Variants in MALSU1 observed in about 807,000 individuals in gnomAD.
MALSU1 encodes mitochondrial assembly of ribosomal large subunit protein 1.
MALSU1 carries 22 observed loss-of-function variants against 22.1 expected under a neutral mutation model. That is an observed-to-expected ratio of 1.00 (90% confidence interval 0.71 to 1.42). The LOEUF is 1.42. Ranked by LOEUF, MALSU1 falls within the 40% of genes most tolerant of loss-of-function variation. The pLI, the probability that MALSU1 is intolerant of heterozygous loss-of-function variation, is 0.00. For missense variants in MALSU1, 379 were observed against 308.3 expected, an observed-to-expected ratio of 1.23 and a Z score of -1.72; for synonymous variants, 153 against 118.5, an observed-to-expected ratio of 1.29 and a Z score of -1.89.
At chr7:23,300,695 C>T in intron 1 of MALSU1, 144 bp from the exon 2 acceptor site, 2 of 659,622 alleles carry the variant, frequency 3.0e-6, no homozygotes, top group Non-Finnish European at 5.3e-6. Context: ...GTTCACCTTC[C>T]AGGAGGCCTT....
At position 23,301,006 on chromosome 7, in the gene MALSU1, G is replaced by A. The variant is rs747613839; in HGVS notation, c.424G>A (p.Val142Ile). 2.5e-6 allele frequency: 4 copies of A among 1,612,488 alleles called. No homozygotes were observed. Among genetic ancestry groups the A allele is most frequent in the African/African-American group, 1.3e-5 (1 of 74,802 alleles). The change falls in exon 2 of 4, where the codon GTT becomes ATT. Residue 142 changes from valine (V) to isoleucine (I), a missense_variant. Coordinates refer to ENST00000466681, the MANE Select transcript of MALSU1 (RefSeq NM_138446.2). Reference protein sequence around the residue: ...TRHLHAMAFYVVKMYKHLKCK... With the variant: ...TRHLHAMAFYIVKMYKHLKCK... ...ACACTTACATGCCATGGCCTTCTAC[G>A]TTGTGAAAATGGTAGGATGCTTTCT...
In MALSU1 at chr7:23,307,818, A is replaced by T. The variant is rs753035454; in HGVS notation, c.436-50A>T. 6 of 1,179,584 alleles carry T rather than the reference A, an allele frequency of 5.1e-6. No homozygotes were observed. In the African/African-American group the frequency reaches 7.9e-5, roughly 15 times the overall value. The allele number at this position is 1,179,584 out of a possible 1,614,324, so 73.1% of individuals were successfully genotyped here. The stretch of plus-strand genomic sequence containing the variant: ...AAAAAAAAAGACCTTCAGCAAGAAC[A>T]GGCTTCCCCCATCCCCTCTCCCTTT... On this transcript the variant is annotated intron_variant, in intron 2 of 3. Transcript: ENST00000466681.
intron 2 of MALSU1, among the ~76,000 whole-genome samples, chr7:23,305,517 A>G (rs998650067): frequency 2.0e-5 from 3 of 151,908 alleles, no homozygotes; most frequent in South Asian, 2.1e-4. Flanking sequence ...CTGAGGTTAC[A>G]GGTGCCCGCC....
chr7:23,306,695 T>C (rs1783726962), intron 2 of MALSU1, among the ~76,000 whole-genome samples: 1 of 152,248 alleles, frequency 6.6e-6, no homozygotes, highest in Non-Finnish European at 1.5e-5. Flanking sequence ...GATTATCATA[T>C]AGATTTTTTC....
Position 23,299,453 on chromosome 7 carries a change from T to C in MALSU1, c.101T>C (p.Leu34Pro). The C allele has an allele frequency of 6.2e-7, 1 of 1,607,686 alleles. No homozygotes were observed. Among genetic ancestry groups the C allele is most frequent in the Non-Finnish European group, 8.5e-7 (1 of 1,179,282 alleles). The change falls in exon 1 of 4, where the codon CTT becomes CCT. Residue 34 changes from leucine (L) to proline (P), a missense_variant. Coordinates refer to ENST00000466681, the MANE Select transcript of MALSU1 (RefSeq NM_138446.2). ...TCCGCGGTTGGAGCCGAGCCCGGGC[T>C]TCGGCTGCTGGCCGTGCAGCGGCTT... ...AGSAVGAEPGLRLLAVQRLPV... is the reference protein window; with the variant it reads ...AGSAVGAEPGPRLLAVQRLPV...
Position 23,308,478 on chromosome 7 carries a change from T to C in MALSU1, c.517+529T>C, listed in dbSNP as rs575375102. Among the ~76,000 whole-genome samples the C allele has an allele frequency of 2.0e-5, 3 of 152,314 alleles. No homozygotes were observed. In the South Asian group the frequency reaches 6.2e-4, roughly 32 times the overall value. Reference sequence around the variant, plus strand: ...GGAAACATAACTGTATGTCAAGAACTGAGGAGTCTGAGATTTTATTCTGCT... The same window carrying C: ...GGAAACATAACTGTATGTCAAGAACCGAGGAGTCTGAGATTTTATTCTGCT... On this transcript the variant is annotated intron_variant, in intron 3 of 3. Transcript: ENST00000466681.
chr7:23,304,106 C>CAA, intron 2 of MALSU1, among the ~76,000 whole-genome samples: 2 of 133,908 alleles, frequency 1.5e-5, no homozygotes, highest in East Asian at 4.2e-4. Context: ...AACTCAGTCT[C>CAA]AAAAAAAAAA....
chr7:23,307,202 T>A (rs1426050825), intron 2 of MALSU1, among the ~76,000 whole-genome samples: 1 of 152,216 alleles, frequency 6.6e-6, no homozygotes, highest in East Asian at 1.9e-4. Flanking sequence ...TAGTGTCACT[T>A]CTTTCATTTC....
chr7:23,304,666 G>C (rs1233658817), intron 2 of MALSU1, among the ~76,000 whole-genome samples: 1 of 152,128 alleles, frequency 6.6e-6, no homozygotes, highest in Non-Finnish European at 1.5e-5. Context: ...CAAATTCATA[G>C]AGACAGAAAG....
chr7:23,303,725 C>A (rs1305945232), intron 2 of MALSU1, among the ~76,000 whole-genome samples: 3 of 150,012 alleles, frequency 2.0e-5, no homozygotes, highest in Non-Finnish European at 4.4e-5. Flanking sequence ...TGGAGGATTG[C>A]TTGAGCCCAG....
In MALSU1 at chr7:23,300,931, G is replaced by C. The variant is rs1463581260; in HGVS notation, c.349G>C (p.Glu117Gln). 5.0e-6 allele frequency: 8 copies of C among 1,614,034 alleles called. No individual in the cohort carries two copies. The highest frequency in any genetic ancestry group is 1.3e-5 in the African/African-American group (1 of 75,024). The change falls in exon 2 of 4, where the codon GAA (glutamate) becomes CAA (glutamine). Residue 117 changes from glutamate to glutamine, a missense_variant. Coordinates refer to ENST00000466681, the MANE Select transcript of MALSU1 (RefSeq NM_138446.2). Reference protein sequence around the residue: ...RDICVIQVPPEMRYTDYFVIV... With the variant: ...RDICVIQVPPQMRYTDYFVIV... ...CATTTGTGTGATCCAGGTTCCTCCA[G>C]AAATGAGATATACAGATTACTTTGT...
At chr7:23,300,731 T>C (rs761522977) in intron 1 of MALSU1, 108 bp from the exon 2 acceptor site, 1 of 935,756 alleles carries the variant, frequency 1.1e-6, no homozygotes, top group African/African-American at 1.6e-5. Context: ...AAAAACACTT[T>C]GGATCTAAAC....
At chr7:23,307,634 G>C (rs1462229057) in intron 2 of MALSU1, 1 of 423,618 alleles carries the variant, frequency 2.4e-6, no homozygotes, top group Non-Finnish European at 4.2e-6. Flanking sequence ...AATGAATGGG[G>C]TGACCCTCTC....
At chr7:23,304,781 TTTG>T (rs1562656928) in intron 2 of MALSU1, among the ~76,000 whole-genome samples, 3 of 152,170 alleles carry the variant, frequency 2.0e-5, no homozygotes, top group Non-Finnish European at 2.9e-5. Context: ...AATCAGGTTG[TTTG>T]TTGTTTTGTT....
At chr7:23,303,079 CTG>C (rs1484374595) in intron 2 of MALSU1, among the ~76,000 whole-genome samples, 1 of 152,192 alleles carries the variant, frequency 6.6e-6, no homozygotes, top group Non-Finnish European at 1.5e-5. Context: ...CAATTTTAAA[CTG>C]TGTTGTTCAG....
chr7:23,302,556 A>G (rs1352820609), intron 2 of MALSU1, among the ~76,000 whole-genome samples: 1 of 152,224 alleles, frequency 6.6e-6, no homozygotes, highest in African/African-American at 2.4e-5. Flanking sequence ...ATACAAAGAC[A>G]GCATACCAGG....
At position 23,310,722 on chromosome 7, in the gene MALSU1, C is replaced by T. The variant is rs1003253718; in HGVS notation, c.*1179C>T. ...ACACTTTAAATCATTTTCAAAATGT[C>T]TAATTGATCTTCAGAAAAACATCTA... is the stretch of plus-strand genomic sequence containing the variant. On this transcript the variant is annotated 3_prime_UTR_variant, in exon 4 of 4. Coordinates refer to ENST00000466681, the MANE Select transcript of MALSU1 (RefSeq NM_138446.2). 2 of 152,078 alleles carry T rather than the reference C, an allele frequency of 1.3e-5. No individual in the cohort carries two copies. The highest frequency in any genetic ancestry group is 4.8e-5 in the African/African-American group (2 of 41,412). The allele number at this position is 152,078 out of a possible 1,614,324, so 9.4% of individuals were successfully genotyped here.
intron 3 of MALSU1, among the ~76,000 whole-genome samples, chr7:23,308,473 A>G (rs913210659): frequency 6.6e-6 from 1 of 152,236 alleles, no homozygotes; most frequent in African/African-American, 2.4e-5. Flanking sequence ...CTGTATGTCA[A>G]GAACTGAGGA....
chr7:23,301,567 A>G (rs1464638437), intron 2 of MALSU1, among the ~76,000 whole-genome samples: 3 of 152,214 alleles, frequency 2.0e-5, no homozygotes, highest in African/African-American at 7.2e-5. Context: ...CCGGAAAATA[A>G]TATTTTATAA....
Sources: allele counts gnomAD v4.1 joint callset (sites outside exome capture counted in the v4.1 genomes callset), GRCh38; gene constraint gnomAD v4.1.1; transcripts MANE v1.5; gene names NCBI Gene and HGNC (gene_info 2026-07-23, HGNC 2026-07-21).